Variants in CLIP1 observed in about 807,000 individuals in gnomAD.
The protein encoded by CLIP1 is CAP-Gly domain containing linker protein 1.
CLIP1 carries 66 observed loss-of-function variants against 161.6 expected under a neutral mutation model. The observed-to-expected ratio is 0.41, with a 90% CI of 0.33 to 0.50. The LOEUF is 0.50. Ranked by LOEUF, CLIP1 falls within the 20% of genes least tolerant of loss-of-function variation. The pLI, the probability that CLIP1 is intolerant of heterozygous loss-of-function variation, is 0.27. For missense variants in CLIP1, 1,376 were observed against 1,702.0 expected (o/e 0.81, Z 3.37); for synonymous variants, 598 against 626.2 (o/e 0.96, Z 0.67).
intron 3 of CLIP1, among the ~76,000 whole-genome samples, chr12:122,372,179 G>T (rs967547032): frequency 1.3e-5 from 2 of 151,746 alleles, no homozygotes; most frequent in Non-Finnish European, 2.9e-5. Context: ...CCAATGCTTT[G>T]GGAGGCCGAG....
chr12:122,301,166 T>TA (rs890590920), intron 20 of CLIP1, among the ~76,000 whole-genome samples: 41 of 152,242 alleles, frequency 2.7e-4, no homozygotes, highest in African/African-American at 9.4e-4. Context: ...AATCCTGAAT[T>TA]AAAAAAACAA....
At position 122,309,847 on chromosome 12, in the gene CLIP1, T is replaced by G; in HGVS notation, c.3509A>C (p.Gln1170Pro). The G allele has an allele frequency of 6.2e-7, 1 of 1,614,048 alleles. No homozygotes were observed. Among genetic ancestry groups the G allele is most frequent in the South Asian group, 1.1e-5 (1 of 91,080 alleles). ...CTCTTCTTGCAACGCTGAAAGCTGC[T>G]GGGACTTCTGAGCTGCTGCCTGCTT... ...TLKQAAAQKS[Q>P]QLSALQEENV... Residue 1170 changes from glutamine (Q) to proline (P), a missense_variant, in exon 20 of 26, where the codon CAG (glutamine) becomes CCG (proline). By Grantham distance (76) the Gln-to-Pro change is moderately conservative. Coordinates refer to ENST00000620786, the MANE Select transcript of CLIP1 (RefSeq NM_001247997.2).
rs368149044 is a variant in CLIP1, at chr12:122,327,937, C to T, written c.3249+10G>A. 1.5e-4 allele frequency: 239 copies of T among 1,612,656 alleles called. No homozygotes were observed. Among genetic ancestry groups the T allele is most frequent in the Non-Finnish European group, 1.8e-4 (209 of 1,179,156 alleles). ...GCTACAACACAAGGAAATTCTCTCG[C>T]GTCACGTACTTTGGCTTTGTCGGCT... On this transcript the variant is annotated intron_variant, in intron 17 of 25. Coordinates refer to ENST00000620786, the MANE Select transcript of CLIP1 (RefSeq NM_001247997.2).
At chr12:122,296,013 T>C (rs1225951362) in intron 20 of CLIP1, among the ~76,000 whole-genome samples, 1 of 152,236 alleles carries the variant, frequency 6.6e-6, no homozygotes, top group Non-Finnish European at 1.5e-5. Context: ...GCATCTCTTA[T>C]AGACAGCATA....
chr12:122,309,485 T>C lies in CLIP1; in HGVS notation c.3594+277A>G, dbSNP rs189642833. On this transcript the variant is annotated intron_variant, in intron 20 of 25. Coordinates refer to ENST00000620786, the MANE Select transcript of CLIP1 (RefSeq NM_001247997.2). ...GATACTGTCCCCTTCCATTTAAATG[T>C]TGAGCTACAAGATTGTCTAATAAAG... 7.2e-5 allele frequency among the ~76,000 whole-genome samples: 11 copies of C among 152,330 alleles called. No homozygotes were observed. In the East Asian group the frequency reaches 1.3e-3, roughly 19 times the overall value.
chr12:122,359,554 C>G (rs923932356), intron 5 of CLIP1, among the ~76,000 whole-genome samples: 9 of 152,184 alleles, frequency 5.9e-5, no homozygotes, highest in Non-Finnish European at 1.0e-4. Context: ...TGGGGCTCTT[C>G]TCCATTTCAT....
intron 5 of CLIP1, among the ~76,000 whole-genome samples, chr12:122,360,569 AAG>A (rs1953727680): frequency 6.6e-6 from 1 of 152,100 alleles, no homozygotes; most frequent in African/African-American, 2.4e-5. Context: ...AAATAAAAAA[AAG>A]AGAGAGAGGG....
At chr12:122,421,171 G>T (rs1004813370) in intron 1 of CLIP1, among the ~76,000 whole-genome samples, 4 of 151,186 alleles carry the variant, frequency 2.6e-5, no homozygotes, top group African/African-American at 9.7e-5. Flanking sequence ...CGCTCACTGG[G>T]TTAGGGTTGA....
chr12:122,393,993 A>G (rs530413723), intron 1 of CLIP1, among the ~76,000 whole-genome samples: 5 of 149,568 alleles, frequency 3.3e-5, no homozygotes, highest in African/African-American at 9.7e-5. Flanking sequence ...GGGGAAAAAC[A>G]GAGAACACAC....
At chr12:122,332,854 G>A (rs978480305) in intron 15 of CLIP1, 133 bp downstream of exon 15, 7 of 661,084 alleles carry the variant, frequency 1.1e-5, no homozygotes, top group Non-Finnish European at 1.5e-5. Flanking sequence ...GACACAATGA[G>A]GTAATAACAG....
At chr12:122,379,825 T>C (rs1358555602) in intron 2 of CLIP1, among the ~76,000 whole-genome samples, 1 of 150,422 alleles carries the variant, frequency 6.6e-6, no homozygotes, top group Non-Finnish European at 1.5e-5. Flanking sequence ...GTGTCTGTAA[T>C]CCCAGCTACT....
chr12:122,282,214 C>T (rs1288322268), intron 21 of CLIP1, among the ~76,000 whole-genome samples: 2 of 152,194 alleles, frequency 1.3e-5, no homozygotes, highest in Non-Finnish European at 2.9e-5. Context: ...ATTGTCATTG[C>T]TAGCTTCTTA....
intron 15 of CLIP1, among the ~76,000 whole-genome samples, chr12:122,330,907 G>A (rs546609673): frequency 5.9e-4 from 90 of 151,996 alleles, no homozygotes; most frequent in African/African-American, 2.2e-3. Context: ...GGCCTACAAT[G>A]TAGTTATTAA....
At chr12:122,345,313 C>A (rs1952693758) in intron 10 of CLIP1, among the ~76,000 whole-genome samples, 2 of 137,918 alleles carry the variant, frequency 1.5e-5, no homozygotes, top group South Asian at 5.0e-4. Flanking sequence ...GTAGCCACCA[C>A]ACCCAGCTAA....
chr12:122,328,867 C>A (rs1301979013), intron 15 of CLIP1, among the ~76,000 whole-genome samples: 1 of 152,166 alleles, frequency 6.6e-6, no homozygotes, highest in Admixed American at 6.5e-5. Flanking sequence ...AGGCGTGAGC[C>A]ACCATGCCTG....
rs527479272 is a variant in CLIP1 at position 122,380,533 on chromosome 12, T to A, written c.-81A>T. 1.0e-5 allele frequency: 8 copies of A among 783,180 alleles called. No homozygotes were observed. In the African/African-American group the frequency reaches 1.1e-4, roughly 10 times the overall value. The allele number at this position is 783,180 out of a possible 1,614,324, so 48.5% of individuals were successfully genotyped here. On this transcript the variant is annotated 5_prime_UTR_variant, in exon 2 of 26. Transcript: ENST00000620786. ...ACCATTGATACAACTGTGGGTTCTA[T>A]AGTGAAGTCAGTCTCTGGATTAAAT... is the stretch of plus-strand genomic sequence containing the variant.
rs142117873 is a variant in CLIP1, at chr12:122,376,440, A to G, written c.657+949T>C. On this transcript the variant is annotated intron_variant, in intron 3 of 25. Coordinates refer to ENST00000620786, the MANE Select transcript of CLIP1 (RefSeq NM_001247997.2). ...GTGGAGACTGGAGTTTGAGTCCCCA[A>G]CAGGGAGCCATATAATATTAAGAAA... 4.7e-4 allele frequency among the ~76,000 whole-genome samples: 71 copies of G among 152,182 alleles called. No homozygotes were observed. In the East Asian group the frequency reaches 0.013, roughly 27 times the overall value.
At position 122,341,255 on chromosome 12, in the gene CLIP1, C is replaced by T. The variant is rs1443309578; in HGVS notation, c.1949G>A (p.Gly650Glu). ...TTCAGCAAATTCTGCCGTCTCTGTTCCAAGCCCTTTGCTGAAAGATACCTT... is the reference window on the plus strand; with the variant it reads ...TTCAGCAAATTCTGCCGTCTCTGTTTCAAGCCCTTTGCTGAAAGATACCTT... ...ELKVSFSKGL[G>E]TETAEFAELK... Residue 650 changes from glycine to glutamate, a missense_variant, in exon 11 of 26, where the codon GGA becomes GAA. This residue lies in a region of CLIP1 where 948 missense variants were observed against 1,134.8 expected (regional missense o/e 0.84). Coordinates refer to ENST00000620786, the MANE Select transcript of CLIP1 (RefSeq NM_001247997.2). 1 of 1,614,074 alleles carries T rather than the reference C, an allele frequency of 6.2e-7. No individual in the cohort carries two copies. Among genetic ancestry groups the T allele is most frequent in the African/African-American group, 1.3e-5 (1 of 75,032 alleles).
intron 5 of CLIP1, among the ~76,000 whole-genome samples, chr12:122,357,047 G>A (rs1369433289): frequency 1.3e-5 from 2 of 152,230 alleles, no homozygotes; most frequent in African/African-American, 4.8e-5. Context: ...TGCAGCCTCT[G>A]CCCAGCCGCC....
Sources: gnomAD v4.1 joint callset for allele counts (sites outside exome capture counted in the v4.1 genomes callset) on GRCh38, gnomAD v4.1.1 for gene constraint, gnomAD v4.1.1 regional missense constraint, MANE v1.5 for transcripts, NCBI Gene and HGNC (gene_info 2026-07-23, HGNC 2026-07-21) for gene names.